The following CDH13 variants were observed in gnomAD, a reference collection of about 807,000 sequenced individuals.
CDH13 encodes cadherin 13, also known as cadherin-13.
Under a neutral mutation model 63.8 loss-of-function variants are expected in CDH13, and 24 were observed. The ratio of observed to expected loss-of-function variants is 0.38; its 90% CI spans 0.27 to 0.53. The LOEUF (loss-of-function observed/expected upper bound fraction) is 0.53. Ranked by LOEUF, CDH13 falls within the 20% of genes least tolerant of loss-of-function variation. The pLI, the probability that CDH13 is intolerant of heterozygous loss-of-function variation, is 0.85. For synonymous variants in CDH13, 503 were observed against 355.3 expected, an observed-to-expected ratio of 1.42 and a Z score of -4.67; for missense variants, 1,049 against 903.1, an observed-to-expected ratio of 1.16 and a Z score of -2.07.
At chr16:83,359,785 A>T (rs989483489) in intron 6 of CDH13, among the ~76,000 whole-genome samples, 1 of 152,214 alleles carries the variant, frequency 6.6e-6, no homozygotes, top group Non-Finnish European at 1.5e-5. Context: ...AGTTTTAATG[A>T]GATATCATTC....
intron 2 of CDH13, among the ~76,000 whole-genome samples, chr16:82,895,209 C>T: frequency 6.6e-6 from 1 of 152,170 alleles, no homozygotes; most frequent in East Asian, 1.9e-4. Context: ...TTCTGCATTC[C>T]TCTACCTCCA....
At chr16:83,664,242 C>T (rs1019426502) in intron 8 of CDH13, among the ~76,000 whole-genome samples, 2 of 152,028 alleles carry the variant, frequency 1.3e-5, no homozygotes, top group African/African-American at 4.8e-5. Context: ...TCATCTGGCT[C>T]CTGTAGTCAC....
At chr16:83,307,775 T>TA (rs907938213) in intron 5 of CDH13, among the ~76,000 whole-genome samples, 38 of 152,332 alleles carry the variant, frequency 2.5e-4, no homozygotes, top group South Asian at 1.9e-3. Flanking sequence ...CCGGAAATGT[T>TA]ACTGCTCTGA....
intron 2 of CDH13, among the ~76,000 whole-genome samples, chr16:83,015,677 G>GTATGTATATATATATA (rs1555562893): frequency 2.7e-5 from 1 of 37,568 alleles, no homozygotes; most frequent in African/African-American, 8.7e-5. Flanking sequence ...GTGTGTGTAT[G>GTATGTATATATATATA]TATATATATA....
chr16:82,763,295 C>A (rs12102622), intron 1 of CDH13, among the ~76,000 whole-genome samples: 1 of 152,142 alleles, frequency 6.6e-6, no homozygotes, highest in Non-Finnish European at 1.5e-5. Flanking sequence ...TCCTGCTTTG[C>A]TTTTTCTTCA....
intron 7 of CDH13, among the ~76,000 whole-genome samples, chr16:83,522,420 G>C (rs73605873): frequency 6.6e-6 from 1 of 152,158 alleles, no homozygotes; most frequent in African/African-American, 2.4e-5. Flanking sequence ...GTTCCACAGC[G>C]CAATATGCAA....
At position 83,670,829 on chromosome 16, in the gene CDH13, G is replaced by A; in HGVS notation, c.1141G>A (p.Val381Ile). Residue 381 changes from valine (V) to isoleucine (I), a missense_variant, in exon 9 of 14, where the codon GTC becomes ATC. Physicochemically the swap from Val to Ile is conservative, Grantham distance 29. Transcript: ENST00000567109. ...TVEEGAVGVI[V>I]NLTVEDKDDP... is the part of the protein sequence containing the mutation. ...CGAGGAAGGAGCTGTGGGAGTTATTGTCAATTTGACAGTTGAAGATAAGGA... is the reference window on the plus strand; with the variant it reads ...CGAGGAAGGAGCTGTGGGAGTTATTATCAATTTGACAGTTGAAGATAAGGA... The A allele has an allele frequency of 6.2e-7, 1 of 1,613,966 alleles. No homozygotes were observed. The highest frequency in any genetic ancestry group is 8.5e-7 in the Non-Finnish European group (1 of 1,179,864).
chr16:83,657,010 C>T (rs907552313), intron 8 of CDH13, among the ~76,000 whole-genome samples: 1 of 152,182 alleles, frequency 6.6e-6, no homozygotes, highest in Non-Finnish European at 1.5e-5. Context: ...ATAAAACTTG[C>T]ACTTCAGGTA....
chr16:82,842,145 T>TACAC (rs1273399218), intron 1 of CDH13, among the ~76,000 whole-genome samples: 52 of 27,574 alleles, frequency 1.9e-3, no homozygotes, highest in African/African-American at 5.9e-3. Flanking sequence ...TATACACATA[T>TACAC]ATATATATAT....
intron 5 of CDH13, among the ~76,000 whole-genome samples, chr16:83,338,411 A>G (rs945057867): frequency 6.6e-6 from 1 of 152,178 alleles, no homozygotes; most frequent in African/African-American, 2.4e-5. Flanking sequence ...GCCTCTTCCA[A>G]AGAGGGCTCT....
At chr16:83,711,550 C>G (rs1908055200) in intron 10 of CDH13, among the ~76,000 whole-genome samples, 1 of 152,094 alleles carries the variant, frequency 6.6e-6, no homozygotes, top group Non-Finnish European at 1.5e-5. Flanking sequence ...AGGTCTTACT[C>G]TCTTACCCAT....
chr16:83,791,915 G>A (rs543963704), intron 13 of CDH13, among the ~76,000 whole-genome samples: 3 of 151,596 alleles, frequency 2.0e-5, no homozygotes, highest in South Asian at 4.2e-4. Flanking sequence ...AAATGCATCC[G>A]TTGCAAGTGT....
chr16:82,960,004 C>G (rs556172667), intron 2 of CDH13, among the ~76,000 whole-genome samples: 3 of 152,084 alleles, frequency 2.0e-5, no homozygotes, highest in African/African-American at 4.8e-5. Flanking sequence ...TTTTCCAGAG[C>G]GGCTATACCA....
At chr16:82,742,984 A>T (rs1427894870) in intron 1 of CDH13, among the ~76,000 whole-genome samples, 1 of 152,220 alleles carries the variant, frequency 6.6e-6, no homozygotes, top group Admixed American at 6.5e-5. Flanking sequence ...TTTAGAAAAA[A>T]ATTATGTAAG....
chr16:83,515,074 C>G (rs577039593), intron 7 of CDH13, among the ~76,000 whole-genome samples: 49 of 152,228 alleles, frequency 3.2e-4, no homozygotes, highest in African/African-American at 1.0e-3. Flanking sequence ...AATCTAGAAT[C>G]TGGTTTCCTC....
At position 82,799,667 on chromosome 16, in the gene CDH13, G is replaced by A. The variant is rs1250607976; in HGVS notation, c.46-58695G>A. Among the ~76,000 whole-genome samples the A allele has an allele frequency of 7.2e-5, 11 of 152,134 alleles. 1 individual carries two copies. Among genetic ancestry groups the A allele is most frequent in the African/African-American group, 2.4e-5 (1 of 41,418 alleles). On this transcript the variant is annotated intron_variant, in intron 1 of 13. Coordinates refer to ENST00000567109, the MANE Select transcript of CDH13 (RefSeq NM_001257.5). Reference sequence around the variant, plus strand: ...GGTTCAGCACATTTTCTCATATTCGGCCTCTAATTCAGTGTGGGATTTTGT... The same window carrying A: ...GGTTCAGCACATTTTCTCATATTCGACCTCTAATTCAGTGTGGGATTTTGT...
At chr16:82,690,621 C>A (rs192144509) in intron 1 of CDH13, among the ~76,000 whole-genome samples, 2 of 152,260 alleles carry the variant, frequency 1.3e-5, no homozygotes, top group Admixed American at 1.3e-4. Context: ...AAATCTGATG[C>A]CCAAAGCCTT....
intron 3 of CDH13, among the ~76,000 whole-genome samples, chr16:83,036,734 C>A (rs1739516657): frequency 6.6e-6 from 1 of 152,150 alleles, no homozygotes; most frequent in Non-Finnish European, 1.5e-5. Context: ...TTCTTCCCAG[C>A]CCTTTGGTTG....
At position 83,020,669 on chromosome 16, in the gene CDH13, C is replaced by A. The variant is rs115578371; in HGVS notation, c.158-11341C>A. Among the ~76,000 whole-genome samples the A allele has an allele frequency of 4.0e-3, 606 of 152,282 alleles. 4 individuals are homozygous for A. The highest frequency in any genetic ancestry group is 0.014 in the African/African-American group (584 of 41,544). ...CTGAACTATGGATCCATGGGGCTGGCCTAGGAAACCAATATTGTGTTCCTC... is the reference window on the plus strand; with the variant it reads ...CTGAACTATGGATCCATGGGGCTGGACTAGGAAACCAATATTGTGTTCCTC... On this transcript the variant is annotated intron_variant, in intron 2 of 13. Transcript: ENST00000567109.
Sources: allele counts gnomAD v4.1 joint callset (sites outside exome capture counted in the v4.1 genomes callset), GRCh38; gene constraint gnomAD v4.1.1; transcripts MANE v1.5; gene names NCBI Gene and HGNC (gene_info 2026-07-23, HGNC 2026-07-21).